Variants in CPPED1 observed in about 807,000 individuals in gnomAD.
CPPED1 encodes the protein serine/threonine-protein phosphatase CPPED1.
Under a neutral mutation model 28.0 loss-of-function variants are expected in CPPED1, and 28 were observed. That is an observed-to-expected ratio of 1.00 (90% CI 0.74 to 1.37). The LOEUF (loss-of-function observed/expected upper bound fraction) is 1.37. Among genes scored for constraint, CPPED1 ranks in the 40% most tolerant of loss-of-function variants. The pLI, the probability that CPPED1 is intolerant of heterozygous loss-of-function variation, is 0.00. For synonymous variants in CPPED1, 198 were observed against 180.2 expected (o/e 1.10, Z -0.79); for missense variants, 504 against 416.5 (o/e 1.21, Z -1.83).
chr16:12,663,619 T>A lies in CPPED1; in HGVS notation c.*1267A>T. ...TATTTAATTATCTTTCCATTTAATTTCCCATGGTTTTGCTACGTTGACTAA... is the reference window on the plus strand; with the variant it reads ...TATTTAATTATCTTTCCATTTAATTACCCATGGTTTTGCTACGTTGACTAA... On this transcript the variant is annotated 3_prime_UTR_variant, in exon 4 of 4. Coordinates refer to ENST00000381774, the MANE Select transcript of CPPED1 (RefSeq NM_018340.3). 1 of 152,258 alleles carries A rather than the reference T, an allele frequency of 6.6e-6. No homozygotes were observed. Among genetic ancestry groups the A allele is most frequent in the East Asian group, 1.9e-4 (1 of 5,202 alleles). The allele number at this position is 152,258 out of a possible 1,614,324, so 9.4% of individuals were successfully genotyped here. A position where few individuals can be genotyped will look rare whatever the true frequency, so the allele number is the denominator to read the frequency against.
chr16:12,803,568 G>A (rs2080673742), intron 1 of CPPED1, 139 bp downstream of exon 1: 1 of 677,370 alleles, frequency 1.5e-6, no homozygotes, highest in Non-Finnish European at 2.2e-6. Context: ...AGGCTTTGAT[G>A]CAGCTATGGC....
chr16:12,670,584 G>C lies in CPPED1; in HGVS notation c.716-5469C>G, dbSNP rs2079848385. ...AAGCGATAAGTCACATGATTAGTAT[G>C]TGCTCTTGATATGAATGTGATAGAA... On this transcript the variant is annotated intron_variant, in intron 3 of 3. Transcript: ENST00000381774. The surrounding 1 kb of genome is among the most constrained non-coding windows in gnomAD (Gnocchi z 4.2). Among the ~76,000 whole-genome samples, 1 of 152,040 alleles carries C rather than the reference G, an allele frequency of 6.6e-6. No individual in the cohort carries two copies. The highest frequency in any genetic ancestry group is 1.5e-5 in the Non-Finnish European group (1 of 68,012).
At chr16:12,738,574 A>C (rs1366386517) in intron 2 of CPPED1, among the ~76,000 whole-genome samples, 1 of 152,196 alleles carries the variant, frequency 6.6e-6, no homozygotes, top group Non-Finnish European at 1.5e-5. Context: ...TTTATTCAGA[A>C]GCAAGAATGC....
In CPPED1 at chr16:12,662,208, T is replaced by C. The variant is rs2079798942; in HGVS notation, c.*2678A>G. The stretch of plus-strand genomic sequence containing the variant: ...AGGCACTTATTTTTTGATATCATTC[T>C]CTTTTTTTAAAGGCAAAGGAATTAC... On this transcript the variant is annotated 3_prime_UTR_variant, in exon 4 of 4. Coordinates refer to ENST00000381774, the MANE Select transcript of CPPED1 (RefSeq NM_018340.3). 6.6e-6 allele frequency: 1 copy of C among 152,196 alleles called. No homozygotes were observed. Among genetic ancestry groups the C allele is most frequent in the African/African-American group, 2.4e-5 (1 of 41,452 alleles). The allele number at this position is 152,196 out of a possible 1,614,324, so 9.4% of individuals were successfully genotyped here.
At position 12,706,634 on chromosome 16, in the gene CPPED1, G is replaced by C. The variant is rs186442579; in HGVS notation, c.290-1585C>G. On this transcript the variant is annotated intron_variant, in intron 2 of 3. Coordinates refer to ENST00000381774, the MANE Select transcript of CPPED1 (RefSeq NM_018340.3). ...TAAAGAAGATTGAGGAAGCCAGCCA[G>C]GTGGCTGGAATGAATGTTTGGACTG... Among the ~76,000 whole-genome samples the C allele has an allele frequency of 5.5e-3, 827 of 151,652 alleles. 5 individuals are homozygous for C. The highest frequency in any genetic ancestry group is 0.031 in the Middle Eastern group (9 of 294).
At chr16:12,685,978 G>A (rs1488404320) in intron 3 of CPPED1, among the ~76,000 whole-genome samples, 2 of 152,222 alleles carry the variant, frequency 1.3e-5, no homozygotes, top group Non-Finnish European at 2.9e-5. Flanking sequence ...ATGACAGGGA[G>A]AAGCACAGCG....
intron 2 of CPPED1, among the ~76,000 whole-genome samples, chr16:12,763,412 A>T (rs756747175): frequency 2.6e-5 from 4 of 152,154 alleles, no homozygotes; most frequent in African/African-American, 4.8e-5. Flanking sequence ...TGATCATTAC[A>T]CAACTCAGCA....
At chr16:12,745,475 G>A (rs1479922199) in intron 2 of CPPED1, among the ~76,000 whole-genome samples, 1 of 152,182 alleles carries the variant, frequency 6.6e-6, no homozygotes, top group Non-Finnish European at 1.5e-5. Flanking sequence ...ATACACCATG[G>A]AACACTACAC....
chr16:12,713,368 A>AT (rs1388990327), intron 2 of CPPED1, among the ~76,000 whole-genome samples: 1 of 151,904 alleles, frequency 6.6e-6, no homozygotes, highest in African/African-American at 2.4e-5. Context: ...CTTCTTTTTT[A>AT]TTTTTTATTT....
At chr16:12,785,913 T>C (rs1308849673) in intron 1 of CPPED1, among the ~76,000 whole-genome samples, 2 of 150,164 alleles carry the variant, frequency 1.3e-5, no homozygotes, top group African/African-American at 2.5e-5. Flanking sequence ...GCACTCTGAG[T>C]ATGACAGTAT....
intron 1 of CPPED1, among the ~76,000 whole-genome samples, chr16:12,800,174 C>T (rs903869097): frequency 6.6e-6 from 1 of 152,140 alleles, no homozygotes; most frequent in Non-Finnish European, 1.5e-5. Flanking sequence ...GGGCCAAGTG[C>T]GGTGGCTCAT....
Position 12,660,244 on chromosome 16 carries a change from C to CA in CPPED1, c.*4641dup, listed in dbSNP as rs902154005. 11 of 152,276 alleles carry CA rather than the reference C, an allele frequency of 7.2e-5. No individual in the cohort carries two copies. Among genetic ancestry groups the CA allele is most frequent in the African/African-American group, 2.6e-4 (11 of 41,574 alleles). The allele number at this position is 152,276 out of a possible 1,614,324, so 9.4% of individuals were successfully genotyped here. A position where few individuals can be genotyped will look rare whatever the true frequency, so the allele number is the denominator to read the frequency against. On this transcript the variant is annotated 3_prime_UTR_variant, in exon 4 of 4. Transcript: ENST00000381774. ...TGGCTCACTCATTCTAAGTGTGCTG[C>CA]AAAGCCCCTTTAGTGAAGAAATCTA... is the stretch of plus-strand genomic sequence containing the variant.
At chr16:12,795,086 C>T (rs552199771) in intron 1 of CPPED1, among the ~76,000 whole-genome samples, 2 of 152,270 alleles carry the variant, frequency 1.3e-5, no homozygotes, top group Admixed American at 6.5e-5. Context: ...TATTTTTTTT[C>T]CCATTTCCCT....
At chr16:12,704,401 A>G (rs1017558111) in intron 3 of CPPED1, among the ~76,000 whole-genome samples, 3 of 152,182 alleles carry the variant, frequency 2.0e-5, no homozygotes, top group East Asian at 1.9e-4. Flanking sequence ...CCATCCTGCA[A>G]TAAGGCTACT....
At chr16:12,705,628 G>C (rs1040160661) in intron 2 of CPPED1, among the ~76,000 whole-genome samples, 1 of 152,112 alleles carries the variant, frequency 6.6e-6, no homozygotes, top group Non-Finnish European at 1.5e-5. Flanking sequence ...CATGGGCACG[G>C]GCACCTGTAA....
At chr16:12,733,666 C>T (rs1460237769) in intron 2 of CPPED1, among the ~76,000 whole-genome samples, 6 of 152,140 alleles carry the variant, frequency 3.9e-5, no homozygotes, top group Non-Finnish European at 8.8e-5. Flanking sequence ...CCTCATTCTC[C>T]AGGACACAAA....
chr16:12,666,775 T>G (rs1337382022), intron 3 of CPPED1, among the ~76,000 whole-genome samples: 1 of 152,206 alleles, frequency 6.6e-6, no homozygotes, highest in Non-Finnish European at 1.5e-5. Context: ...GTTTTGAGTA[T>G]TTATTACCTT....
chr16:12,720,890 C>T (rs180799947), intron 2 of CPPED1, among the ~76,000 whole-genome samples: 4 of 152,162 alleles, frequency 2.6e-5, no homozygotes, highest in Non-Finnish European at 5.9e-5. Flanking sequence ...TCATTTATCC[C>T]TCAGTTAAAC....
chr16:12,759,627 G>A (rs373699451), intron 2 of CPPED1, among the ~76,000 whole-genome samples: 1 of 152,214 alleles, frequency 6.6e-6, no homozygotes, highest in Admixed American at 6.5e-5. Flanking sequence ...GGGACCTGGT[G>A]GGAAGTGATT....
Sources: allele counts gnomAD v4.1 joint callset (sites outside exome capture counted in the v4.1 genomes callset), GRCh38; gene constraint gnomAD v4.1.1; non-coding constraint Gnocchi (gnomAD v3.1); transcripts MANE v1.5; gene names NCBI Gene and HGNC (gene_info 2026-07-23, HGNC 2026-07-21).